The following PDE4D variants were observed in gnomAD, a reference collection of about 807,000 sequenced individuals.
PDE4D encodes phosphodiesterase 4D, also known as 3',5'-cyclic-AMP phosphodiesterase 4D.
A neutral mutation model predicts 87.4 loss-of-function variants in PDE4D; 24 were observed. The observed-to-expected ratio is 0.27, with a 90% CI of 0.20 to 0.39. The LOEUF is 0.39. Ranked by LOEUF, PDE4D falls within the 10% of genes least tolerant of loss-of-function variation. PDE4D has a pLI of 1.00. For missense variants in PDE4D, 714 were observed against 1,041.0 expected (o/e 0.69, Z 4.32); for synonymous variants, 384 against 383.2 (o/e 1.00, Z -0.02).
chr5:60,136,735 G>T lies in PDE4D; in HGVS notation c.42+48822C>A, dbSNP rs576740496. ...TAAACAAAAACACCTATGTTATTGG[G>T]GCTGGGAGTGTGCTCAGTTAATATA... On this transcript the variant is annotated intron_variant, in intron 2 of 16. Coordinates refer to the PDE4D transcript ENST00000502484. Among the ~76,000 whole-genome samples the T allele has an allele frequency of 2.6e-5, 4 of 152,128 alleles. No individual in the cohort carries two copies. The South Asian group carries it at 8.3e-4, about 32-fold the overall frequency.
intron 1 of PDE4D, among the ~76,000 whole-genome samples, chr5:59,232,724 C>T (rs879509587): frequency 4.0e-5 from 6 of 151,864 alleles, no homozygotes; most frequent in Non-Finnish European, 7.4e-5. Context: ...TACCTGAACC[C>T]CTATGTTTAT....
intron 1 of PDE4D, among the ~76,000 whole-genome samples, chr5:60,211,136 G>C (rs890628648): frequency 6.6e-6 from 1 of 152,292 alleles, no homozygotes; most frequent in African/African-American, 2.4e-5. Flanking sequence ...CTCCGAGCTC[G>C]GTGACGCTCA....
At chr5:59,348,330 T>C (rs1268828834) in intron 1 of PDE4D, among the ~76,000 whole-genome samples, 3 of 152,160 alleles carry the variant, frequency 2.0e-5, no homozygotes, top group Non-Finnish European at 4.4e-5. Flanking sequence ...TAGAGTACTA[T>C]GTCTATGTAT....
At chr5:59,609,542 C>T (rs181594490) in intron 1 of PDE4D, among the ~76,000 whole-genome samples, 2 of 152,232 alleles carry the variant, frequency 1.3e-5, no homozygotes, top group African/African-American at 4.8e-5. Flanking sequence ...TGTCTTCTGC[C>T]ACAATGACTG....
In PDE4D at chr5:58,975,932, A is replaced by T; in HGVS notation, c.1831-93T>A. The stretch of plus-strand genomic sequence containing the variant: ...CTAGAAATTCACATTGGATGACTGC[A>T]ACACTTAAAAATACACGTAGTGTAA... On this transcript the variant is annotated intron_variant, in intron 13 of 14. Transcript: ENST00000340635. This position sits in a 1 kb window ranked among gnomAD's most constrained non-coding sequence, Gnocchi z 4.2. The T allele has an allele frequency of 1.1e-6, 1 of 913,136 alleles. No homozygotes were observed. The highest frequency in any genetic ancestry group is 1.6e-6 in the Non-Finnish European group (1 of 637,336). The allele number at this position is 913,136 out of a possible 1,614,324, so 56.6% of individuals were successfully genotyped here.
chr5:60,173,052 G>A (rs1783610011), intron 2 of PDE4D, among the ~76,000 whole-genome samples: 1 of 152,070 alleles, frequency 6.6e-6, no homozygotes, highest in Non-Finnish European at 1.5e-5. Context: ...ATCCAACTGT[G>A]AGGATAGCTA....
chr5:60,277,445 C>A (rs983388744), intron 1 of PDE4D, among the ~76,000 whole-genome samples: 7 of 152,088 alleles, frequency 4.6e-5, no homozygotes, highest in Admixed American at 6.6e-5. Context: ...ATTTGCATTT[C>A]TTTACACCAA....
intron 1 of PDE4D, among the ~76,000 whole-genome samples, chr5:59,529,904 A>G (rs1413205486): frequency 6.6e-6 from 1 of 152,198 alleles, no homozygotes; most frequent in Non-Finnish European, 1.5e-5. Flanking sequence ...AGGATGTAAA[A>G]AACATGCAAT....
chr5:59,582,649 G>A (rs1053716135), intron 1 of PDE4D, among the ~76,000 whole-genome samples: 2 of 152,044 alleles, frequency 1.3e-5, no homozygotes, highest in African/African-American at 4.8e-5. Flanking sequence ...TGAATGCTTG[G>A]TCTATAGAGG....
chr5:59,470,298 A>C (rs1582758340), intron 1 of PDE4D, among the ~76,000 whole-genome samples: 1 of 140,084 alleles, frequency 7.1e-6, no homozygotes, highest in African/African-American at 3.1e-5. Flanking sequence ...GCTGGTAAGG[A>C]AAAAAAAAAT....
intron 5 of PDE4D, among the ~76,000 whole-genome samples, chr5:59,053,881 A>C (rs1580542766): frequency 1.3e-5 from 2 of 151,578 alleles, no homozygotes; most frequent in African/African-American, 4.8e-5. Flanking sequence ...GTGCCACTGC[A>C]CTCCAGCCTC....
intron 1 of PDE4D, among the ~76,000 whole-genome samples, chr5:59,245,182 T>C (rs1341604702): frequency 6.6e-6 from 1 of 152,020 alleles, no homozygotes; most frequent in African/African-American, 2.4e-5. Flanking sequence ...AATTGTGTTG[T>C]TAGGGGAGCT....
chr5:59,539,032 T>G (rs1342590887), intron 1 of PDE4D, among the ~76,000 whole-genome samples: 1 of 152,192 alleles, frequency 6.6e-6, no homozygotes, highest in Non-Finnish European at 1.5e-5. Flanking sequence ...CAAGGATGAC[T>G]GCTTGCATAA....
chr5:60,460,743 G>T, intron 1 of PDE4D: 1 of 681,760 alleles, frequency 1.5e-6, no homozygotes, highest in South Asian at 1.7e-5. Context: ...GGGCCATGCT[G>T]CTAGGGAAGT....
intron 1 of PDE4D, among the ~76,000 whole-genome samples, chr5:59,332,954 T>C (rs1777003048): frequency 1.3e-5 from 2 of 152,202 alleles, no homozygotes; most frequent in Admixed American, 1.3e-4. Flanking sequence ...CAAATGGTGA[T>C]AACATCATGC....
chr5:60,167,137 T>G (rs375568585), intron 2 of PDE4D, among the ~76,000 whole-genome samples: 2 of 152,176 alleles, frequency 1.3e-5, no homozygotes, highest in South Asian at 4.1e-4. Flanking sequence ...AAACAAACTT[T>G]CTACTCCTTT....
intron 1 of PDE4D, among the ~76,000 whole-genome samples, chr5:60,283,959 G>A (rs1190397325): frequency 6.6e-6 from 1 of 152,032 alleles, no homozygotes; most frequent in Admixed American, 6.5e-5. Context: ...GAAACCAGCT[G>A]AATGAATACA....
intron 1 of PDE4D, among the ~76,000 whole-genome samples, chr5:59,274,949 A>C (rs1276797189): frequency 6.6e-6 from 1 of 152,168 alleles, no homozygotes; most frequent in African/African-American, 2.4e-5. Flanking sequence ...CTGTGCTAAA[A>C]GTGAGGGTAT....
intron 2 of PDE4D, among the ~76,000 whole-genome samples, chr5:60,106,441 C>T (rs1344460454): frequency 6.6e-6 from 1 of 151,920 alleles, no homozygotes; most frequent in Non-Finnish European, 1.5e-5. Context: ...CAACATTAGA[C>T]AGATCAACGA....
Sources: gnomAD v4.1 joint callset for allele counts (sites outside exome capture counted in the v4.1 genomes callset) on GRCh38, gnomAD v4.1.1 for gene constraint, Gnocchi (gnomAD v3.1) non-coding constraint, MANE v1.5 for transcripts, NCBI Gene and HGNC (gene_info 2026-07-23, HGNC 2026-07-21) for gene names.